TTC6: variants seen among roughly 807,000 people sequenced by gnomAD.
TTC6 encodes the protein tetratricopeptide repeat domain 6.
In TTC6, 172 loss-of-function variants were observed where a neutral mutation model predicts 210.4. That is an observed-to-expected ratio of 0.82 (90% CI 0.72 to 0.93). The LOEUF is 0.93. TTC6 is among the 40% of genes least tolerant of loss of function. The pLI, the probability that TTC6 is intolerant of heterozygous loss-of-function variation, is 0.00. For synonymous variants in TTC6, 804 were observed against 819.6 expected (o/e 0.98, Z 0.32); for missense variants, 2,414 against 2,318.1 (o/e 1.04, Z -0.85).
intron 10 of TTC6, among the ~76,000 whole-genome samples, chr14:37,746,823 C>G (rs1268691502): frequency 6.6e-6 from 1 of 152,072 alleles, no homozygotes; most frequent in African/African-American, 2.4e-5. Context: ...GACTGAGAGT[C>G]TCAGTTGGGG....
chr14:37,739,022 G>T (rs550398851), exon 10 of TTC6: 1 of 1,535,540 alleles, frequency 6.5e-7, no homozygotes, highest in East Asian at 2.4e-5. Flanking sequence ...TCTCATTGAA[G>T]CGTCTAAAAA....
intron 14 of TTC6, among the ~76,000 whole-genome samples, chr14:37,785,277 G>A (rs1315232898): frequency 6.6e-6 from 1 of 152,042 alleles, no homozygotes; most frequent in African/African-American, 2.4e-5. Context: ...CATAGATTTG[G>A]TCTTTTCACA....
At chr14:37,657,862 TG>T (rs1339289865) in intron 1 of TTC6, among the ~76,000 whole-genome samples, 1 of 152,228 alleles carries the variant, frequency 6.6e-6, no homozygotes, top group Non-Finnish European at 1.5e-5. Context: ...TGATTTTTTT[TG>T]TATGTACCAA....
intron 14 of TTC6, among the ~76,000 whole-genome samples, chr14:37,765,661 T>C (rs2139134850): frequency 6.6e-6 from 1 of 152,286 alleles, no homozygotes; most frequent in Non-Finnish European, 1.5e-5. Flanking sequence ...TTGTATGGTT[T>C]CAAGTTTCCA....
chr14:37,622,822 G>GCTC (rs2095653969), exon 1 of TTC6: 3 of 1,533,842 alleles, frequency 2.0e-6, no homozygotes, highest in Non-Finnish European at 2.6e-6. Flanking sequence ...GAACAGGAGA[G>GCTC]CTGGCCGCCC....
intron 1 of TTC6, among the ~76,000 whole-genome samples, chr14:37,645,246 A>T (rs749226383): frequency 6.6e-6 from 1 of 152,240 alleles, no homozygotes; most frequent in Non-Finnish European, 1.5e-5. Flanking sequence ...TATCTCAAAC[A>T]TTTAGTAGCA....
rs1188984697 is a variant in TTC6 at position 37,827,287 on chromosome 14, CA to C, written c.5221del (p.Ile1741LeufsTer3). ...AATGCAATGAAAGACTACCAAGATG[CA>C]ATTACTCTAAACCCCAAGTACTCGC... On this transcript the variant is annotated frameshift_variant, in exon 29 of 31. Transcript: ENST00000553443. LOFTEE classifies it high-confidence loss of function. The C allele has an allele frequency of 6.2e-7, 1 of 1,613,298 alleles. No individual in the cohort carries two copies. Among genetic ancestry groups the C allele is most frequent in the Admixed American group, 1.7e-5 (1 of 59,968 alleles).
intron 17 of TTC6, among the ~76,000 whole-genome samples, chr14:37,792,775 G>GTT (rs1032781036): frequency 8.2e-6 from 1 of 121,650 alleles, no homozygotes; most frequent in African/African-American, 3.6e-5. Flanking sequence ...ATGGTCCAAT[G>GTT]TTGTGTGTGT....
chr14:37,651,984 A>G (rs1246817239), intron 1 of TTC6, among the ~76,000 whole-genome samples: 1 of 152,166 alleles, frequency 6.6e-6, no homozygotes, highest in East Asian at 1.9e-4. Context: ...ATGTGATACA[A>G]CTAAAGTCTT....
At chr14:37,708,028 T>C (rs1435688752) in intron 5 of TTC6, among the ~76,000 whole-genome samples, 1 of 152,182 alleles carries the variant, frequency 6.6e-6, no homozygotes, top group East Asian at 1.9e-4. Flanking sequence ...GTAATAAGGG[T>C]GACCTTTTCC....
At chr14:37,726,196 A>G (rs891357689) in intron 7 of TTC6, among the ~76,000 whole-genome samples, 1 of 152,178 alleles carries the variant, frequency 6.6e-6, no homozygotes, top group African/African-American at 2.4e-5. Flanking sequence ...GCAGCTTATG[A>G]AAACACATAT....
At chr14:37,743,975 A>G (rs2095928538) in intron 10 of TTC6, among the ~76,000 whole-genome samples, 2 of 152,218 alleles carry the variant, frequency 1.3e-5, no homozygotes, top group South Asian at 2.1e-4. Context: ...TGAAGAAAGC[A>G]TCTTCCTTCC....
intron 1 of TTC6, among the ~76,000 whole-genome samples, chr14:37,600,768 C>G (rs1367688132): frequency 6.6e-6 from 1 of 152,166 alleles, no homozygotes; most frequent in Non-Finnish European, 1.5e-5. Context: ...GGGAGATTAT[C>G]TTCATTACTT....
intron 15 of TTC6, among the ~76,000 whole-genome samples, 152 bp from the exon 18 acceptor site, chr14:37,790,565 T>C (rs1566956772): frequency 6.6e-6 from 1 of 152,218 alleles, no homozygotes; most frequent in East Asian, 1.9e-4. Flanking sequence ...ATTATTTAAC[T>C]TACCAAACAA....
intron 14 of TTC6, among the ~76,000 whole-genome samples, chr14:37,773,524 C>T (rs1174120417): frequency 1.3e-5 from 2 of 152,154 alleles, no homozygotes; most frequent in Non-Finnish European, 2.9e-5. Context: ...GTCCTTTTCC[C>T]ATTGCTTGTT....
chr14:37,657,926 G>A (rs1481945602), intron 1 of TTC6, among the ~76,000 whole-genome samples: 3 of 152,014 alleles, frequency 2.0e-5, no homozygotes, highest in African/African-American at 4.8e-5. Context: ...CATTCCTTTG[G>A]TTCATTTTAG....
chr14:37,836,197 C>A lies in TTC6; in HGVS notation c.5299-5248C>A, dbSNP rs2096197502. On this transcript the variant is annotated intron_variant, in intron 29 of 30. Transcript: ENST00000553443. ...ACTTGAATAGAAATGTCAGAGTCAA[C>A]CATAACTTTCTCTTTCTTACATCCT... Among the ~76,000 whole-genome samples, 5 of 152,272 alleles carry A rather than the reference C, an allele frequency of 3.3e-5. No individual in the cohort carries two copies. In the South Asian group the frequency reaches 1.0e-3, roughly 32 times the overall value.
intron 29 of TTC6, among the ~76,000 whole-genome samples, chr14:37,836,346 G>A (rs1433733023): frequency 2.0e-5 from 3 of 152,108 alleles, no homozygotes; most frequent in African/African-American, 4.8e-5. Context: ...TCCTAGAAAT[G>A]TTTATGTGCA....
chr14:37,602,711 T>C (rs571655602), intron 1 of TTC6, among the ~76,000 whole-genome samples: 1 of 152,194 alleles, frequency 6.6e-6, no homozygotes, highest in South Asian at 2.1e-4. Flanking sequence ...GGTCCTCTTC[T>C]CCAAACTGCA....
Sources: gnomAD v4.1 joint callset for allele counts (sites outside exome capture counted in the v4.1 genomes callset) on GRCh38, gnomAD v4.1.1 for gene constraint, MANE v1.5 for transcripts, NCBI Gene and HGNC (gene_info 2026-07-23, HGNC 2026-07-21) for gene names.